The following SIPA1L3 variants were observed in gnomAD, a reference collection of about 807,000 sequenced individuals.
The protein encoded by SIPA1L3 is signal-induced proliferation-associated 1-like protein 3.
In SIPA1L3, 59 loss-of-function variants were observed where a neutral mutation model predicts 150.1. The ratio of observed to expected loss-of-function variants is 0.39; its 90% confidence interval spans 0.32 to 0.49. The LOEUF (loss-of-function observed/expected upper bound fraction) is 0.49. Ranked by LOEUF, SIPA1L3 falls within the 20% of genes least tolerant of loss-of-function variation. SIPA1L3 has a pLI of 0.86. For missense variants in SIPA1L3, 2,211 were observed against 2,489.5 expected, an observed-to-expected ratio of 0.89 and a Z score of 2.38; for synonymous variants, 1,070 against 1,077.6, an observed-to-expected ratio of 0.99 and a Z score of 0.14.
At chr19:38,192,079 C>G (rs1972816714) in intron 16 of SIPA1L3, 66 bp from the exon 17 acceptor site, 1 of 1,477,298 alleles carries the variant, frequency 6.8e-7, no homozygotes, top group Non-Finnish European at 9.1e-7. Context: ...CTCTTGAATC[C>G]AAACAGCTTT....
At chr19:38,174,716 G>C (rs992583369) in intron 15 of SIPA1L3, among the ~76,000 whole-genome samples, 1 of 152,042 alleles carries the variant, frequency 6.6e-6, no homozygotes, top group African/African-American at 2.4e-5. Context: ...CAGGTGTGGT[G>C]GCGGGTGCCA....
Position 37,914,024 on chromosome 19 carries a change from C to CA in SIPA1L3, c.-379+6688dup, listed in dbSNP as rs58768492. ...TGGGCGGCAGAGTGAGAGGCCGTCTCAAAAAAAAAAAAAAAAAAAAAATCC... is the reference window on the plus strand; with the variant it reads ...TGGGCGGCAGAGTGAGAGGCCGTCTCAAAAAAAAAAAAAAAAAAAAAAATCC... On this transcript the variant is annotated intron_variant, in intron 1 of 21. Transcript: ENST00000222345. Among the ~76,000 whole-genome samples, 953 of 110,730 alleles carry CA rather than the reference C, an allele frequency of 8.6e-3. 9 individuals carry two copies. Among genetic ancestry groups the CA allele is most frequent in the South Asian group, 0.022 (76 of 3,526 alleles). The allele number at this position is 110,730 out of a possible 152,430, so 72.6% of individuals were successfully genotyped here.
intron 15 of SIPA1L3, among the ~76,000 whole-genome samples, chr19:38,168,745 A>C (rs1436629961): frequency 6.6e-6 from 1 of 152,200 alleles, no homozygotes; most frequent in Admixed American, 6.5e-5. Flanking sequence ...CTGAACCCAG[A>C]AATGAAGGCA....
chr19:38,057,329 C>T (rs1192641953), intron 2 of SIPA1L3, among the ~76,000 whole-genome samples: 4 of 150,506 alleles, frequency 2.7e-5, no homozygotes, highest in Non-Finnish European at 5.9e-5. Flanking sequence ...TATATACACA[C>T]ACACACACAC....
At chr19:38,080,896 C>T (rs956910323) in intron 2 of SIPA1L3, among the ~76,000 whole-genome samples, 8 of 150,940 alleles carry the variant, frequency 5.3e-5, no homozygotes, top group African/African-American at 1.2e-4. Flanking sequence ...TTCGAACCTT[C>T]GAGGTGGATG....
intron 8 of SIPA1L3, among the ~76,000 whole-genome samples, chr19:38,117,041 C>T (rs1305074094): frequency 1.3e-5 from 2 of 152,218 alleles, no homozygotes; most frequent in Non-Finnish European, 2.9e-5. Context: ...AAATGTGACT[C>T]ATCAACAGAT....
intron 7 of SIPA1L3, 78 bp downstream of exon 7, chr19:38,106,718 C>A: frequency 1.0e-6 from 1 of 980,130 alleles, no homozygotes; most frequent in Non-Finnish European, 1.6e-6. Context: ...CAGTTCTGTC[C>A]TGTGGATCAT....
chr19:37,976,080 G>A (rs1057030232), intron 1 of SIPA1L3, among the ~76,000 whole-genome samples: 1 of 146,450 alleles, frequency 6.8e-6, no homozygotes, highest in Non-Finnish European at 1.5e-5. Context: ...ACTCCTGCCT[G>A]GGTGACAGAG....
intron 1 of SIPA1L3, among the ~76,000 whole-genome samples, chr19:38,015,042 T>A (rs1968200471): frequency 6.6e-6 from 1 of 151,352 alleles, no homozygotes; most frequent in African/African-American, 2.4e-5. Context: ...TCAAAACTCC[T>A]GGCCTCAAGT....
intron 3 of SIPA1L3, among the ~76,000 whole-genome samples, chr19:38,085,025 G>A (rs1262975936): frequency 6.6e-6 from 1 of 152,116 alleles, no homozygotes; most frequent in East Asian, 1.9e-4. Flanking sequence ...CAGGACACTG[G>A]AGCTCCAACT....
intron 1 of SIPA1L3, among the ~76,000 whole-genome samples, chr19:37,914,746 C>T (rs866896636): frequency 9.2e-5 from 14 of 152,198 alleles, no homozygotes; most frequent in African/African-American, 3.1e-4. Context: ...CTCAGGTGAT[C>T]CTCCACCCTC....
intron 1 of SIPA1L3, among the ~76,000 whole-genome samples, chr19:38,021,318 G>A (rs1968368616): frequency 6.6e-6 from 1 of 152,160 alleles, no homozygotes; most frequent in Non-Finnish European, 1.5e-5. Flanking sequence ...AGGCTGGCAG[G>A]TTCAGTGGCT....
intron 18 of SIPA1L3, among the ~76,000 whole-genome samples, chr19:38,195,831 G>A (rs965957018): frequency 1.3e-4 from 5 of 38,954 alleles, no homozygotes; most frequent in Admixed American, 3.5e-4. Flanking sequence ...ACCCCCCTCC[G>A]TCCCTACTCA....
chr19:38,182,852 T>C (rs1972591639), intron 16 of SIPA1L3, 112 bp downstream of exon 16: 1 of 783,258 alleles, frequency 1.3e-6, no homozygotes, highest in South Asian at 1.8e-5. Context: ...TGTGGGCCAG[T>C]GTACCAGTGT....
At chr19:38,134,104 C>G (rs1490101747) in intron 10 of SIPA1L3, among the ~76,000 whole-genome samples, 1 of 151,940 alleles carries the variant, frequency 6.6e-6, no homozygotes, top group Non-Finnish European at 1.5e-5. Context: ...CTGCCTCATC[C>G]TCCCGAGTAG....
intron 1 of SIPA1L3, among the ~76,000 whole-genome samples, chr19:37,935,967 G>T (rs889600641): frequency 3.3e-5 from 5 of 152,104 alleles, no homozygotes. Flanking sequence ...GCAGAGCTCA[G>T]CAGGCTAAGG....
chr19:38,201,912 G>A lies in SIPA1L3; in HGVS notation c.5035G>A (p.Asp1679Asn). Residue 1679 changes from aspartate to asparagine, a missense_variant, in exon 20 of 22, where the codon GAC becomes AAC. This residue lies in a region of SIPA1L3 where 806 missense variants were observed against 870.1 expected (regional missense o/e 0.93). Coordinates refer to ENST00000222345, the MANE Select transcript of SIPA1L3 (RefSeq NM_015073.3). The stretch of plus-strand genomic sequence containing the variant: ...TCTGAACGACCCGGCCCTGAGCCCG[G>A]ACATCCCGCCTGCACACAGTCCTGT... The part of the protein sequence containing the change: ...FSLNDPALSP[D>N]IPPAHSPVHS... 6.2e-7 allele frequency: 1 copy of A among 1,613,890 alleles called. No individual in the cohort carries two copies. Among genetic ancestry groups the A allele is most frequent in the Non-Finnish European group, 8.5e-7 (1 of 1,179,916 alleles).
chr19:38,111,258 T>G (rs914034200), intron 8 of SIPA1L3, among the ~76,000 whole-genome samples: 6 of 152,026 alleles, frequency 3.9e-5, no homozygotes, highest in Non-Finnish European at 8.8e-5. Flanking sequence ...TCTTGAACTC[T>G]TGGCCTCAAG....
At position 37,999,701 on chromosome 19, in the gene SIPA1L3, G is replaced by A. The variant is rs1347087207; in HGVS notation, c.-378-29388G>A. On this transcript the variant is annotated intron_variant, in intron 1 of 21. Transcript: ENST00000222345. Reference sequence around the variant, plus strand: ...AGCCCAGTGGGAGACCCACGTGTGCGTGTGGTCAGCTGTAGCTTCCGGCTG... The same window carrying A: ...AGCCCAGTGGGAGACCCACGTGTGCATGTGGTCAGCTGTAGCTTCCGGCTG... Among the ~76,000 whole-genome samples the A allele has an allele frequency of 3.3e-5, 5 of 152,354 alleles. No homozygotes were observed. The Middle Eastern group carries it at 0.01, about 311-fold the overall frequency.
Sources: gnomAD v4.1 joint callset for allele counts (sites outside exome capture counted in the v4.1 genomes callset) on GRCh38, gnomAD v4.1.1 for gene constraint, gnomAD v4.1.1 regional missense constraint, MANE v1.5 for transcripts, NCBI Gene and HGNC (gene_info 2026-07-23, HGNC 2026-07-21) for gene names.